The following IQGAP2 variants were observed in gnomAD, a reference collection of about 807,000 sequenced individuals.
IQGAP2 encodes the protein IQ motif containing GTPase activating protein 2.
A neutral mutation model predicts 201.3 loss-of-function variants in IQGAP2; 173 were observed. That is an observed-to-expected ratio of 0.86 (90% CI 0.76 to 0.98). IQGAP2 has a LOEUF of 0.98. Ranked by LOEUF, IQGAP2 falls within the 50% of genes least tolerant of loss-of-function variation. The probability of loss-of-function intolerance (pLI) is 0.00; values close to 1 mark genes in which losing one functional copy is unlikely to be tolerated. For synonymous variants in IQGAP2, 675 were observed against 673.9 expected (o/e 1.00, Z -0.03); for missense variants, 1,687 against 1,864.8 (o/e 0.90, Z 1.76).
At chr5:76,641,225 A>C in intron 17 of IQGAP2, 122 bp downstream of exon 17, 1 of 724,128 alleles carries the variant, frequency 1.4e-6, no homozygotes, top group Non-Finnish European at 2.2e-6. Flanking sequence ...ATATTTTTAC[A>C]TAATCAGTGC....
intron 2 of IQGAP2, among the ~76,000 whole-genome samples, chr5:76,500,196 A>G (rs572409583): frequency 1.3e-5 from 2 of 152,294 alleles, no homozygotes; most frequent in South Asian, 4.2e-4. Context: ...CTTCTGTTGC[A>G]TGCTACCACT....
chr5:76,690,049 T>C (rs1746131509), intron 30 of IQGAP2, among the ~76,000 whole-genome samples: 1 of 152,212 alleles, frequency 6.6e-6, no homozygotes, highest in Admixed American at 6.5e-5. Flanking sequence ...TTTTCAAAAT[T>C]AGATACCTCC....
intron 2 of IQGAP2, among the ~76,000 whole-genome samples, chr5:76,549,006 G>A (rs2150230208): frequency 6.6e-6 from 1 of 152,262 alleles, no homozygotes; most frequent in Non-Finnish European, 1.5e-5. Flanking sequence ...TCCTGCGCAA[G>A]GAAGTCTGTA....
chr5:76,697,628 T>C (rs1417087829), intron 32 of IQGAP2, among the ~76,000 whole-genome samples: 2 of 152,110 alleles, frequency 1.3e-5, no homozygotes, highest in Non-Finnish European at 2.9e-5. Context: ...AGAGCAAGAC[T>C]ATGTCTAAAA....
rs564484608 is a variant in IQGAP2 at position 76,705,787 on chromosome 5, A to C, written c.4615-1413A>C. On this transcript the variant is annotated intron_variant, in intron 35 of 35. Coordinates refer to ENST00000274364, the MANE Select transcript of IQGAP2 (RefSeq NM_006633.5). ...TCTCAAAGATGACTCCAACTTCTACAATTGACCTTGCTAGAAACAAGAAAA... is the reference window on the plus strand; with the variant it reads ...TCTCAAAGATGACTCCAACTTCTACCATTGACCTTGCTAGAAACAAGAAAA... Among the ~76,000 whole-genome samples the C allele has an allele frequency of 2.0e-3, 301 of 152,346 alleles. 7 individuals are homozygous for C. Among genetic ancestry groups the C allele is most frequent in the East Asian group, 1.5e-3 (8 of 5,192 alleles).
chr5:76,405,713 G>A (rs569489737), intron 1 of IQGAP2, among the ~76,000 whole-genome samples: 2 of 152,254 alleles, frequency 1.3e-5, no homozygotes, highest in South Asian at 4.1e-4. Context: ...TCTGGTTGTT[G>A]TTGGCTTTCT....
intron 21 of IQGAP2, among the ~76,000 whole-genome samples, chr5:76,661,985 A>G (rs1261334020): frequency 3.9e-5 from 6 of 152,252 alleles, no homozygotes. Context: ...CTTTCAAACC[A>G]TGGTATTCCT....
At chr5:76,680,604 T>A (rs1486992671) in intron 28 of IQGAP2, among the ~76,000 whole-genome samples, 2 of 151,754 alleles carry the variant, frequency 1.3e-5, no homozygotes, top group Non-Finnish European at 2.9e-5. Flanking sequence ...GGAGGATGCT[T>A]GAGGCCAGGA....
At position 76,655,229 on chromosome 5, in the gene IQGAP2, A is replaced by G. The variant is rs115865642; in HGVS notation, c.2320+226A>G. 6.2e-3 allele frequency among the ~76,000 whole-genome samples: 948 copies of G among 151,962 alleles called. 14 individuals are homozygous for G. Among genetic ancestry groups the G allele is most frequent in the East Asian group, 0.057 (293 of 5,168 alleles). On this transcript the variant is annotated intron_variant, in intron 20 of 35. Coordinates refer to ENST00000274364, the MANE Select transcript of IQGAP2 (RefSeq NM_006633.5). ...AAATGGAAGGGATCAGCCACATGGTATAATTTCTTCTTCAAAGAGAGTGGA... is the reference window on the plus strand; with the variant it reads ...AAATGGAAGGGATCAGCCACATGGTGTAATTTCTTCTTCAAAGAGAGTGGA...
intron 32 of IQGAP2, among the ~76,000 whole-genome samples, chr5:76,696,525 T>G (rs1418668014): frequency 6.6e-6 from 1 of 152,216 alleles, no homozygotes; most frequent in Non-Finnish European, 1.5e-5. Flanking sequence ...ATTTCATTCT[T>G]TTTATTCAAA....
At chr5:76,669,377 T>G (rs2150478240) in intron 23 of IQGAP2, among the ~76,000 whole-genome samples, 1 of 152,352 alleles carries the variant, frequency 6.6e-6, no homozygotes, top group East Asian at 1.9e-4. Flanking sequence ...CTATTGGTTT[T>G]GGGAGCACGG....
chr5:76,634,627 T>C (rs550987357), intron 15 of IQGAP2, among the ~76,000 whole-genome samples: 1 of 152,282 alleles, frequency 6.6e-6, no homozygotes, highest in South Asian at 2.1e-4. Flanking sequence ...TCCCAAGCAA[T>C]TAAAGACTGA....
chr5:76,604,215 A>G (rs998319563), intron 11 of IQGAP2, among the ~76,000 whole-genome samples: 13 of 151,866 alleles, frequency 8.6e-5, no homozygotes, highest in Non-Finnish European at 1.8e-4. Flanking sequence ...CCTACTTATG[A>G]GTGGGAACAT....
intron 13 of IQGAP2, among the ~76,000 whole-genome samples, chr5:76,623,840 A>C (rs867180435): frequency 6.6e-6 from 1 of 151,644 alleles, no homozygotes; most frequent in Middle Eastern, 3.4e-3. Context: ...CCATCAATGT[A>C]ATATTGATTT....
chr5:76,405,704 C>T (rs933110725), intron 1 of IQGAP2, among the ~76,000 whole-genome samples: 4 of 152,132 alleles, frequency 2.6e-5, no homozygotes, highest in East Asian at 3.9e-4. Context: ...AGTGTAATTT[C>T]TGGTTGTTGT....
rs112621009 is a variant in IQGAP2, at chr5:76,691,978, A to C, written c.3906-1377A>C. ...TTTCCTGCTAGAGTTTAGGAAGAAA[A>C]ATTAGTCATTCAGTGATATCATGTA... On this transcript the variant is annotated intron_variant, in intron 30 of 35. Coordinates refer to ENST00000274364, the MANE Select transcript of IQGAP2 (RefSeq NM_006633.5). 9.5e-3 allele frequency among the ~76,000 whole-genome samples: 1,452 copies of C among 152,300 alleles called. 6 individuals carry two copies. Among genetic ancestry groups the C allele is most frequent in the Non-Finnish European group, 0.016 (1,077 of 68,028 alleles).
chr5:76,459,084 C>A (rs949695764), intron 1 of IQGAP2, among the ~76,000 whole-genome samples: 1 of 152,042 alleles, frequency 6.6e-6, no homozygotes, highest in Non-Finnish European at 1.5e-5. Context: ...TAGATGGGGT[C>A]AATATGTTGC....
intron 27 of IQGAP2, among the ~76,000 whole-genome samples, chr5:76,675,357 C>T (rs1340929873): frequency 2.0e-5 from 3 of 152,044 alleles, no homozygotes; most frequent in Non-Finnish European, 4.4e-5. Context: ...TACCAAGGAA[C>T]GACTGTAGTA....
intron 2 of IQGAP2, among the ~76,000 whole-genome samples, chr5:76,471,364 CAAAAAAAAAA>C (rs59781605): frequency 2.8e-5 from 2 of 72,534 alleles, no homozygotes; most frequent in African/African-American, 1.0e-4. Flanking sequence ...ATAAACTAAG[CAAAAAAAAAA>C]AAAAAAAAAA....
Sources: allele counts gnomAD v4.1 joint callset (sites outside exome capture counted in the v4.1 genomes callset), GRCh38; gene constraint gnomAD v4.1.1; transcripts MANE v1.5; gene names NCBI Gene and HGNC (gene_info 2026-07-23, HGNC 2026-07-21).